EIPR1: variants seen among roughly 807,000 people sequenced by gnomAD.
The protein encoded by EIPR1 is EARP complex and GARP complex interacting protein 1.
EIPR1 carries 25 observed loss-of-function variants against 48.1 expected under a neutral mutation model. The observed-to-expected ratio is 0.52, with a 90% CI of 0.38 to 0.73. The LOEUF (loss-of-function observed/expected upper bound fraction) is 0.73, where lower values mean the gene tolerates loss of function less well. Ranked by LOEUF, EIPR1 falls within the 30% of genes least tolerant of loss-of-function variation. The pLI is 0.00. For missense variants in EIPR1, 415 were observed against 506.2 expected, an observed-to-expected ratio of 0.82 and a Z score of 1.73; for synonymous variants, 204 against 201.9, an observed-to-expected ratio of 1.01 and a Z score of -0.09.
chr2:3,354,723 T>A, intron 1 of EIPR1, 90 bp from the exon 2 acceptor site: 2 of 1,268,518 alleles, frequency 1.6e-6, no homozygotes, highest in Non-Finnish European at 2.3e-6. Context: ...GTTTATCTCA[T>A]CTACTGTTGA....
intron 3 of EIPR1, among the ~76,000 whole-genome samples, chr2:3,317,487 G>A (rs530766469): frequency 1.2e-4 from 18 of 152,244 alleles, no homozygotes; most frequent in African/African-American, 3.6e-4. Flanking sequence ...CCTCACATGC[G>A]GGGTGGAGCA....
chr2:3,367,196 G>A (rs7579365), intron 1 of EIPR1, among the ~76,000 whole-genome samples: 2,586 of 151,760 alleles, frequency 0.017, 75 homozygotes, highest in African/African-American at 0.058. Context: ...GCAAGGGTGC[G>A]TCTTGGGTGG....
chr2:3,229,466 G>A (rs184257044), intron 4 of EIPR1, among the ~76,000 whole-genome samples: 2 of 152,330 alleles, frequency 1.3e-5, no homozygotes, highest in Admixed American at 1.3e-4. Context: ...CAACAGCTTT[G>A]AGCTTGGCAA....
At chr2:3,269,773 A>G (rs577651101) in intron 3 of EIPR1, among the ~76,000 whole-genome samples, 3 of 152,342 alleles carry the variant, frequency 2.0e-5, no homozygotes, top group Non-Finnish European at 4.4e-5. Context: ...CGCTTCGTCC[A>G]AACAAAATTG....
chr2:3,253,823 A>T (rs1223870975), intron 4 of EIPR1, among the ~76,000 whole-genome samples: 1 of 152,168 alleles, frequency 6.6e-6, no homozygotes, highest in Non-Finnish European at 1.5e-5. Flanking sequence ...GGGTGATGGA[A>T]ATTAGGACAT....
chr2:3,220,574 G>GA (rs1258346096), intron 4 of EIPR1, among the ~76,000 whole-genome samples: 1 of 151,098 alleles, frequency 6.6e-6, no homozygotes, highest in Admixed American at 6.6e-5. Context: ...GTGAGTTGAG[G>GA]ACACATGCAC....
chr2:3,296,726 T>TAC (rs1182262300), intron 3 of EIPR1, among the ~76,000 whole-genome samples: 3 of 150,380 alleles, frequency 2.0e-5, no homozygotes, highest in South Asian at 2.1e-4. Flanking sequence ...CCATCCTCCC[T>TAC]ACACACACAC....
chr2:3,189,282 T>C lies in EIPR1; in HGVS notation c.*52A>G. The C allele has an allele frequency of 6.8e-7, 1 of 1,463,686 alleles. No individual in the cohort carries two copies. Among genetic ancestry groups the C allele is most frequent in the Non-Finnish European group, 9.2e-7 (1 of 1,092,862 alleles). 90.7% of individuals were successfully genotyped at this position (1,463,686 alleles called of 1,614,324 possible). A position where few individuals can be genotyped will look rare whatever the true frequency, so the allele number is the denominator to read the frequency against. On this transcript the variant is annotated 3_prime_UTR_variant, in exon 9 of 9. Coordinates refer to ENST00000382125, the MANE Select transcript of EIPR1 (RefSeq NM_003310.5). This position sits in a 1 kb window ranked among gnomAD's most constrained non-coding sequence, Gnocchi z 4.6. ...CCAAAGAGCTGCGACTGTTTGAGAA[T>C]CTGCCAAGAGGAAAACCACTCAATG...
At chr2:3,268,093 C>T (rs773003883) in intron 3 of EIPR1, among the ~76,000 whole-genome samples, 2 of 152,202 alleles carry the variant, frequency 1.3e-5, no homozygotes, top group African/African-American at 2.4e-5. Context: ...AGCGTGGCCC[C>T]AGCACTGGGC....
At chr2:3,232,223 G>A (rs751990340) in intron 4 of EIPR1, among the ~76,000 whole-genome samples, 46 of 152,226 alleles carry the variant, frequency 3.0e-4, no homozygotes, top group Admixed American at 9.2e-4. Flanking sequence ...CCTCACTAAA[G>A]GCTTGTCAAC....
chr2:3,218,685 C>A (rs573053295), intron 4 of EIPR1, among the ~76,000 whole-genome samples: 11 of 150,436 alleles, frequency 7.3e-5, no homozygotes, highest in African/African-American at 2.5e-4. Context: ...CACAGTGAGT[C>A]AGGTGGACAC....
chr2:3,244,516 T>C (rs1204864940), intron 4 of EIPR1, among the ~76,000 whole-genome samples: 5 of 152,306 alleles, frequency 3.3e-5, no homozygotes, highest in Non-Finnish European at 7.4e-5. Flanking sequence ...GTGAAAGTAT[T>C]AGGAGTCAGA....
At position 3,308,334 on chromosome 2, in the gene EIPR1, T is replaced by C. The variant is rs571283717; in HGVS notation, c.259+29683A>G. Among the ~76,000 whole-genome samples, 28 of 152,194 alleles carry C rather than the reference T, an allele frequency of 1.8e-4. No homozygotes were observed. The East Asian group carries it at 5.2e-3, about 28-fold the overall frequency. On this transcript the variant is annotated intron_variant, in intron 3 of 8. Coordinates refer to ENST00000382125, the MANE Select transcript of EIPR1 (RefSeq NM_003310.5). ...GATGCTTCCATGAGGGACTCTTCTC[T>C]TGAAACAAATAAAGGGAAAAACTCA...
chr2:3,341,108 AAAAAAAAAAAAAC>A (rs1232732130), intron 2 of EIPR1, among the ~76,000 whole-genome samples: 3 of 149,380 alleles, frequency 2.0e-5, no homozygotes, highest in African/African-American at 4.9e-5. Context: ...AAAAAAAAAA[AAAAAAAAAAAAAC>A]AAAACAAAAC....
At chr2:3,332,214 C>T (rs1487356846) in intron 3 of EIPR1, among the ~76,000 whole-genome samples, 7 of 152,180 alleles carry the variant, frequency 4.6e-5, no homozygotes, top group Admixed American at 4.6e-4. Flanking sequence ...ACGCTTTTTT[C>T]TCAATGAACC....
intron 4 of EIPR1, among the ~76,000 whole-genome samples, chr2:3,218,455 C>T (rs1256537497): frequency 6.7e-6 from 1 of 149,316 alleles, no homozygotes; most frequent in Non-Finnish European, 1.5e-5. Context: ...CCCCGATACG[C>T]TCTAGAGCAT....
chr2:3,190,644 C>A (rs1664573853), intron 8 of EIPR1, among the ~76,000 whole-genome samples: 1 of 152,146 alleles, frequency 6.6e-6, no homozygotes, highest in African/African-American at 2.4e-5. Flanking sequence ...CCATCAGGCT[C>A]CTCCCCTAAC....
At chr2:3,368,826 A>C (rs928396068) in intron 1 of EIPR1, among the ~76,000 whole-genome samples, 1 of 152,224 alleles carries the variant, frequency 6.6e-6, no homozygotes, top group African/African-American at 2.4e-5. Context: ...TTTCAAATAT[A>C]ATTATAAAAA....
At chr2:3,314,066 C>T (rs897293989) in intron 3 of EIPR1, among the ~76,000 whole-genome samples, 3 of 152,164 alleles carry the variant, frequency 2.0e-5, no homozygotes, top group African/African-American at 7.2e-5. Flanking sequence ...CGGGGAGCAA[C>T]ATCGGCGGAT....
Sources: gnomAD v4.1 joint callset for allele counts (sites outside exome capture counted in the v4.1 genomes callset) on GRCh38, gnomAD v4.1.1 for gene constraint, Gnocchi (gnomAD v3.1) non-coding constraint, MANE v1.5 for transcripts, NCBI Gene and HGNC (gene_info 2026-07-23, HGNC 2026-07-21) for gene names.